Variants in PTPRD observed in about 807,000 individuals in gnomAD.
The protein encoded by PTPRD is protein tyrosine phosphatase receptor type D, also known as receptor-type tyrosine-protein phosphatase delta.
Under a neutral mutation model 214.5 loss-of-function variants are expected in PTPRD, and 34 were observed. That is an observed-to-expected ratio of 0.16 (90% CI 0.12 to 0.21). The LOEUF (loss-of-function observed/expected upper bound fraction) is 0.21, where lower values mean the gene tolerates loss of function less well. Ranked by LOEUF, PTPRD falls within the 10% of genes least tolerant of loss-of-function variation. The pLI, the probability that PTPRD is intolerant of heterozygous loss-of-function variation, is 1.00. For synonymous variants in PTPRD, 1,128 were observed against 845.7 expected (o/e 1.33, Z -5.79); for missense variants, 2,545 against 2,398.7 (o/e 1.06, Z -1.27).
chr9:8,697,471 G>T (rs189511475), intron 12 of PTPRD, among the ~76,000 whole-genome samples: 298 of 131,698 alleles, frequency 2.3e-3, no homozygotes, highest in African/African-American at 8.3e-3. Context: ...CACCTAGGCT[G>T]GAGTGCAGTG....
At chr9:9,676,848 G>T (rs1008927189) in intron 7 of PTPRD, among the ~76,000 whole-genome samples, 3 of 152,076 alleles carry the variant, frequency 2.0e-5, no homozygotes, top group Non-Finnish European at 4.4e-5. Context: ...TCTCATTGTG[G>T]TTTTGATTTG....
chr9:8,767,162 G>T lies in PTPRD; in HGVS notation c.-103-33216C>A, dbSNP rs1056930663. On this transcript the variant is annotated intron_variant, in intron 11 of 45. Coordinates refer to ENST00000381196, the MANE Select transcript of PTPRD (RefSeq NM_002839.4). ...GATGGAGTTTTGCTCTTGTTGCCCAGGCTGGAATGCAATGGCACGATCTTG... is the reference window on the plus strand; with the variant it reads ...GATGGAGTTTTGCTCTTGTTGCCCATGCTGGAATGCAATGGCACGATCTTG... 2.6e-5 allele frequency among the ~76,000 whole-genome samples: 4 copies of T among 152,038 alleles called. No individual in the cohort carries two copies. In the South Asian group the frequency reaches 8.3e-4, roughly 32 times the overall value.
At chr9:8,695,984 T>C (rs1172250580) in intron 12 of PTPRD, among the ~76,000 whole-genome samples, 1 of 152,230 alleles carries the variant, frequency 6.6e-6, no homozygotes, top group Non-Finnish European at 1.5e-5. Flanking sequence ...TGTTATTGAC[T>C]CCTTACCCTA....
intron 14 of PTPRD, among the ~76,000 whole-genome samples, chr9:8,538,205 C>A (rs1054684879): frequency 2.3e-4 from 35 of 152,062 alleles, no homozygotes; most frequent in African/African-American, 8.2e-4. Context: ...CCTTTACATC[C>A]ATCCAAATGT....
intron 10 of PTPRD, among the ~76,000 whole-genome samples, chr9:9,149,382 C>A (rs2099874104): frequency 6.6e-6 from 1 of 152,126 alleles, no homozygotes; most frequent in South Asian, 2.1e-4. Context: ...CAAAGATATG[C>A]AGAGAAAGAT....
intron 2 of PTPRD, among the ~76,000 whole-genome samples, chr9:10,405,539 A>C (rs1461966347): frequency 6.6e-6 from 1 of 151,352 alleles, no homozygotes; most frequent in East Asian, 2.0e-4. Flanking sequence ...AATAAAATAA[A>C]AGCAACTGAT....
intron 14 of PTPRD, among the ~76,000 whole-genome samples, chr9:8,530,634 A>C (rs1241825506): frequency 6.6e-6 from 1 of 152,064 alleles, no homozygotes; most frequent in East Asian, 1.9e-4. Flanking sequence ...GAGAAACTCC[A>C]CTGATTCCTA....
intron 2 of PTPRD, among the ~76,000 whole-genome samples, chr9:10,605,235 G>C (rs2078990071): frequency 6.6e-6 from 1 of 151,780 alleles, no homozygotes; most frequent in Admixed American, 6.6e-5. Context: ...TCTCTTTCCT[G>C]AGAAAACCAA....
chr9:9,928,755 T>TCTACACACACACAC (rs1555348332), intron 5 of PTPRD, among the ~76,000 whole-genome samples: 76 of 109,670 alleles, frequency 6.9e-4, no homozygotes, highest in African/African-American at 2.7e-3. Flanking sequence ...TCTCTCTCTC[T>TCTACACACACACAC]ATACACACAC....
chr9:9,562,093 G>A (rs1047182463), intron 8 of PTPRD, among the ~76,000 whole-genome samples: 43 of 152,208 alleles, frequency 2.8e-4, no homozygotes, highest in Middle Eastern at 3.4e-3. Flanking sequence ...AAATTGATCT[G>A]ATTTTCTGTG....
chr9:9,796,098 T>C (rs1236268183), intron 5 of PTPRD, among the ~76,000 whole-genome samples: 1 of 152,176 alleles, frequency 6.6e-6, no homozygotes, highest in Non-Finnish European at 1.5e-5. Context: ...TCTTTGTTCA[T>C]TCTAATCAAA....
chr9:9,950,722 CAAAAAAAAAAAAAAAAA>C (rs922771507), intron 4 of PTPRD, among the ~76,000 whole-genome samples: 20 of 2,662 alleles, frequency 7.5e-3, no homozygotes, highest in South Asian at 0.091. Flanking sequence ...GACTCCGTCT[CAAAAAAAAAAAAAAAAA>C]AAAAAAAAAA....
At chr9:10,281,533 A>T (rs1225959444) in intron 3 of PTPRD, among the ~76,000 whole-genome samples, 1 of 152,210 alleles carries the variant, frequency 6.6e-6, no homozygotes, top group Non-Finnish European at 1.5e-5. Flanking sequence ...ACTATGGTTC[A>T]TTTAAGACTA....
At chr9:9,371,067 A>T (rs2059358056) in intron 9 of PTPRD, among the ~76,000 whole-genome samples, 3 of 143,006 alleles carry the variant, frequency 2.1e-5, no homozygotes, top group African/African-American at 8.5e-5. Flanking sequence ...ATTGGTCTAA[A>T]ATTCTCTTTT....
intron 5 of PTPRD, among the ~76,000 whole-genome samples, chr9:9,858,576 A>G (rs1199302293): frequency 6.6e-6 from 1 of 152,212 alleles, no homozygotes; most frequent in Non-Finnish European, 1.5e-5. Flanking sequence ...AATTGCACGC[A>G]GATGACTCAG....
chr9:10,059,630 T>C (rs2097721000), intron 3 of PTPRD, among the ~76,000 whole-genome samples: 1 of 152,114 alleles, frequency 6.6e-6, no homozygotes, highest in Non-Finnish European at 1.5e-5. Context: ...TTTTATTATT[T>C]TCTCTATTTC....
chr9:10,251,827 T>C (rs1246199859), intron 3 of PTPRD, among the ~76,000 whole-genome samples: 1 of 152,144 alleles, frequency 6.6e-6, no homozygotes, highest in Non-Finnish European at 1.5e-5. Context: ...ATAGAAATAG[T>C]AGAATGATGG....
intron 12 of PTPRD, chr9:8,713,692 A>C (rs537517665): frequency 5.3e-6 from 8 of 1,512,592 alleles, no homozygotes; most frequent in Non-Finnish European, 7.3e-6. Flanking sequence ...TCAGATCATG[A>C]TGGTGGAAGA....
At chr9:9,275,825 GTGTGTGTA>G (rs1195873480) in intron 9 of PTPRD, among the ~76,000 whole-genome samples, 5 of 146,104 alleles carry the variant, frequency 3.4e-5, no homozygotes, top group East Asian at 2.5e-4. Flanking sequence ...ACAGCTGTGT[GTGTGTGTA>G]TGTGTGTGTG....
Sources: gnomAD v4.1 joint callset for allele counts (sites outside exome capture counted in the v4.1 genomes callset) on GRCh38, gnomAD v4.1.1 for gene constraint, MANE v1.5 for transcripts, NCBI Gene and HGNC (gene_info 2026-07-23, HGNC 2026-07-21) for gene names.